Variants in SLC24A2 observed in about 807,000 individuals in gnomAD.
SLC24A2 encodes solute carrier family 24 member 2, also known as sodium/potassium/calcium exchanger 2.
SLC24A2 carries 36 observed loss-of-function variants against 62.0 expected under a neutral mutation model. The observed-to-expected ratio is 0.58, with a 90% confidence interval of 0.44 to 0.77. The LOEUF (loss-of-function observed/expected upper bound fraction) is 0.77, where lower values mean the gene tolerates loss of function less well. Ranked by LOEUF, SLC24A2 falls within the 30% of genes least tolerant of loss-of-function variation. The pLI is 0.00. For synonymous variants in SLC24A2, 358 were observed against 294.0 expected (o/e 1.22, Z -2.23); for missense variants, 846 against 817.9 (o/e 1.03, Z -0.42).
chr9:19,785,361 T>A (rs1384335178), intron 2 of SLC24A2, among the ~76,000 whole-genome samples: 1 of 152,194 alleles, frequency 6.6e-6, no homozygotes, highest in Non-Finnish European at 1.5e-5. Flanking sequence ...TTACAATGGA[T>A]GCTGATCAGT....
the SLC24A2 span, among the ~76,000 whole-genome samples, chr9:20,089,652 G>A: frequency 1.3e-5 from 2 of 151,836 alleles, no homozygotes; most frequent in East Asian, 3.9e-4. Flanking sequence ...GAGTTTCCCT[G>A]GGGAGAGGCT....
chr9:20,062,227 T>A, the SLC24A2 span, among the ~76,000 whole-genome samples: 1 of 152,066 alleles, frequency 6.6e-6, no homozygotes, highest in Non-Finnish European at 1.5e-5. Context: ...AGACCTTCTC[T>A]CGAAACAATA....
chr9:19,958,436 G>GCT, the SLC24A2 span, among the ~76,000 whole-genome samples: 8 of 152,284 alleles, frequency 5.3e-5, no homozygotes, highest in South Asian at 8.3e-4. Context: ...TGCAACCCAA[G>GCT]CTCCACAGTA....
intron 7 of SLC24A2, among the ~76,000 whole-genome samples, chr9:19,565,510 G>A (rs563963294): frequency 0.016 from 2,449 of 150,914 alleles, 62 homozygotes; most frequent in African/African-American, 0.056. Flanking sequence ...TGGGTAGGAA[G>A]AATCAATATT....
At chr9:19,803,899 C>T in the SLC24A2 span, among the ~76,000 whole-genome samples, 2 of 152,018 alleles carry the variant, frequency 1.3e-5, no homozygotes, top group African/African-American at 2.4e-5. Flanking sequence ...ATTCATATCC[C>T]ATTAAATTCA....
chr9:20,296,471 C>G, the SLC24A2 span, among the ~76,000 whole-genome samples: 1 of 152,278 alleles, frequency 6.6e-6, no homozygotes, highest in Non-Finnish European at 1.5e-5. Flanking sequence ...GTGCTTTATT[C>G]ACAATGTTGA....
At chr9:20,304,185 GTC>G in the SLC24A2 span, among the ~76,000 whole-genome samples, 1 of 152,156 alleles carries the variant, frequency 6.6e-6, no homozygotes, top group Non-Finnish European at 1.5e-5. Context: ...CTCAAGCTGG[GTC>G]TCTCCACTTC....
chr9:19,971,155 C>G, the SLC24A2 span, among the ~76,000 whole-genome samples: 306 of 152,272 alleles, frequency 2.0e-3, no homozygotes, highest in Middle Eastern at 6.8e-3. Flanking sequence ...CAGAGTAGAG[C>G]AAAAGTCACC....
the SLC24A2 span, among the ~76,000 whole-genome samples, chr9:20,007,030 G>T: frequency 6.6e-6 from 1 of 152,146 alleles, no homozygotes; most frequent in African/African-American, 2.4e-5. Context: ...GCTTTCTACT[G>T]TGGGTGTTGC....
At chr9:20,062,699 C>G in the SLC24A2 span, among the ~76,000 whole-genome samples, 17,018 of 82,522 alleles carry the variant, frequency 0.21, 1,187 homozygotes, top group East Asian at 0.4. Flanking sequence ...TCAGAGTGAA[C>G]AGGCAACCTA....
chr9:19,507,540 C>T lies in SLC24A2; in HGVS notation c.*8613G>A, dbSNP rs561285394. The T allele has an allele frequency of 6.6e-6, 1 of 152,226 alleles. No individual in the cohort carries two copies. Among genetic ancestry groups the T allele is most frequent in the Non-Finnish European group, 1.5e-5 (1 of 68,016 alleles). 9.4% of individuals were successfully genotyped at this position (152,226 alleles called of 1,614,324 possible). A position where few individuals can be genotyped will look rare whatever the true frequency, so the allele number is the denominator to read the frequency against. On this transcript the variant is annotated 3_prime_UTR_variant, in exon 11 of 11. Transcript: ENST00000341998. ...AAGTGATATTCTATGAATTGATTAT[C>T]AGTAGTAGAAGCACAAAGGTATGGA...
chr9:20,008,602 A>C, the SLC24A2 span, among the ~76,000 whole-genome samples: 2 of 152,084 alleles, frequency 1.3e-5, no homozygotes, highest in Admixed American at 6.5e-5. Flanking sequence ...AAATCCTCTT[A>C]TATTCCCTAA....
intron 2 of SLC24A2, among the ~76,000 whole-genome samples, chr9:19,733,168 G>C (rs1466886468): frequency 6.6e-6 from 1 of 151,644 alleles, no homozygotes; most frequent in Non-Finnish European, 1.5e-5. Flanking sequence ...CTGCCCTTTG[G>C]TGCCTGAGTC....
the SLC24A2 span, among the ~76,000 whole-genome samples, chr9:19,942,191 C>T: frequency 6.6e-5 from 10 of 152,142 alleles, no homozygotes; most frequent in African/African-American, 1.2e-4. Flanking sequence ...TAATTTTCAA[C>T]AGCAGAGCTG....
At chr9:19,560,821 T>A (rs1206443927) in intron 7 of SLC24A2, among the ~76,000 whole-genome samples, 3 of 152,162 alleles carry the variant, frequency 2.0e-5, no homozygotes, top group Non-Finnish European at 4.4e-5. Flanking sequence ...ACTCATTCTT[T>A]ATTGAGCCAT....
chr9:19,753,496 G>C (rs1281235109), intron 2 of SLC24A2, among the ~76,000 whole-genome samples: 1 of 152,098 alleles, frequency 6.6e-6, no homozygotes, highest in Non-Finnish European at 1.5e-5. Context: ...AGTCAGACTG[G>C]CACAAAACTA....
the SLC24A2 span, among the ~76,000 whole-genome samples, chr9:19,812,121 G>C: frequency 2.0e-5 from 3 of 152,058 alleles, no homozygotes; most frequent in Non-Finnish European, 2.9e-5. Context: ...GTTCTGGTGA[G>C]AAATTACTTT....
chr9:20,089,477 C>A, the SLC24A2 span, among the ~76,000 whole-genome samples: 1 of 152,076 alleles, frequency 6.6e-6, no homozygotes, highest in Non-Finnish European at 1.5e-5. Context: ...GGATAAAAGG[C>A]ACTACCCAGG....
At chr9:20,086,197 AC>A in the SLC24A2 span, among the ~76,000 whole-genome samples, 1 of 152,090 alleles carries the variant, frequency 6.6e-6, no homozygotes, top group Non-Finnish European at 1.5e-5. Flanking sequence ...AACACCAAGG[AC>A]CCAGATTTGG....
Sources: gnomAD v4.1 joint callset for allele counts (sites outside exome capture counted in the v4.1 genomes callset) on GRCh38, gnomAD v4.1.1 for gene constraint, MANE v1.5 for transcripts, NCBI Gene and HGNC (gene_info 2026-07-23, HGNC 2026-07-21) for gene names.